Variants in SLC4A10 observed in about 807,000 individuals in gnomAD.
The protein encoded by SLC4A10 is solute carrier family 4 member 10.
A neutral mutation model predicts 137.7 loss-of-function variants in SLC4A10; 42 were observed. The observed-to-expected ratio is 0.30, with a 90% CI of 0.24 to 0.39. SLC4A10 has a LOEUF of 0.39. Ranked by LOEUF, SLC4A10 falls within the 10% of genes least tolerant of loss-of-function variation. The pLI is 1.00. For missense variants in SLC4A10, 925 were observed against 1,355.0 expected, an observed-to-expected ratio of 0.68 and a Z score of 4.98; for synonymous variants, 474 against 464.1, an observed-to-expected ratio of 1.02 and a Z score of -0.27.
At chr2:161,643,723 T>C (rs2035622040) in intron 1 of SLC4A10, among the ~76,000 whole-genome samples, 1 of 152,208 alleles carries the variant, frequency 6.6e-6, no homozygotes, top group Non-Finnish European at 1.5e-5. Flanking sequence ...TTCCATTATT[T>C]GTCCATTTTA....
In SLC4A10 at chr2:161,894,687, T is replaced by C. The variant is rs1270885901; in HGVS notation, c.1203T>C (p.His401=). ...TTCTATTTCTTCTAAAGGTATTTCA[T>C]GATGTTGCCTATAAAGCTAAAGATC... ...IATLMTDEVF[H]DVAYKAKDRN... is the part of the protein sequence containing the mutation. Residue 401 remains histidine (H), a synonymous_variant, in exon 11 of 27, where the codon CAT becomes CAC. Transcript: ENST00000446997. The C allele has an allele frequency of 3.6e-6, 5 of 1,399,616 alleles. No individual in the cohort carries two copies. Among genetic ancestry groups the C allele is most frequent in the Non-Finnish European group, 2.8e-6 (3 of 1,067,140 alleles). 86.7% of individuals were successfully genotyped at this position (1,399,616 alleles called of 1,614,324 possible).
At chr2:161,897,676 T>G (rs2063657780) in intron 11 of SLC4A10, among the ~76,000 whole-genome samples, 1 of 152,140 alleles carries the variant, frequency 6.6e-6, no homozygotes, top group African/African-American at 2.4e-5. Flanking sequence ...ATATTTCAGT[T>G]GATCTACTAT....
intron 2 of SLC4A10, among the ~76,000 whole-genome samples, chr2:161,771,520 C>G (rs1311119968): frequency 1.3e-5 from 2 of 151,672 alleles, no homozygotes; most frequent in East Asian, 1.9e-4. Context: ...GGTAGTATGG[C>G]CCGGTGGTTA....
chr2:161,915,334 C>T (rs1686891758), intron 15 of SLC4A10, among the ~76,000 whole-genome samples: 1 of 152,158 alleles, frequency 6.6e-6, no homozygotes, highest in Non-Finnish European at 1.5e-5. Flanking sequence ...TTCAATTTGT[C>T]CATGTGACCT....
At chr2:161,839,188 A>G (rs1575214671) in intron 3 of SLC4A10, among the ~76,000 whole-genome samples, 1 of 152,352 alleles carries the variant, frequency 6.6e-6, no homozygotes, top group Admixed American at 6.5e-5. Context: ...TCTCAAAGGC[A>G]TTTGCTAAGT....
chr2:161,963,990 C>A, intron 21 of SLC4A10, 145 bp from the exon 22 acceptor site: 1 of 600,746 alleles, frequency 1.7e-6, no homozygotes, highest in Non-Finnish European at 2.8e-6. Context: ...CATAACAATC[C>A]CATTGTCTTG....
At chr2:161,957,350 G>A in intron 20 of SLC4A10, 110 bp downstream of exon 20, 1 of 1,204,762 alleles carries the variant, frequency 8.3e-7, no homozygotes, top group Non-Finnish European at 1.1e-6. Flanking sequence ...GGCATGTGAT[G>A]AAAGTGATGA....
chr2:161,906,295 G>T lies in SLC4A10; in HGVS notation c.1997+408G>T, dbSNP rs188730500. Among the ~76,000 whole-genome samples the T allele has an allele frequency of 2.4e-3, 370 of 152,214 alleles. 3 individuals are homozygous for T. The highest frequency in any genetic ancestry group is 3.4e-3 in the Non-Finnish European group (230 of 68,006). On this transcript the variant is annotated intron_variant, in intron 15 of 26. Coordinates refer to ENST00000446997, the MANE Select transcript of SLC4A10 (RefSeq NM_001178015.2). ...AAGATTTCAAATTTAGAGCAATAAG[G>T]TAAAATAAACTTATTGGGTCTAAAT...
chr2:161,868,740 G>T (rs1283741302), intron 6 of SLC4A10, among the ~76,000 whole-genome samples: 1 of 151,504 alleles, frequency 6.6e-6, no homozygotes, highest in South Asian at 2.1e-4. Context: ...GAGATATTAG[G>T]TTTCTCAAAT....
At chr2:161,811,955 C>G (rs1168678493) in intron 3 of SLC4A10, among the ~76,000 whole-genome samples, 1 of 152,054 alleles carries the variant, frequency 6.6e-6, no homozygotes, top group Non-Finnish European at 1.5e-5. Flanking sequence ...CTCCTGCAAA[C>G]CCACCTTTAG....
chr2:161,788,770 T>C (rs2053901683), intron 2 of SLC4A10, among the ~76,000 whole-genome samples: 1 of 152,134 alleles, frequency 6.6e-6, no homozygotes, highest in Admixed American at 6.5e-5. Context: ...CCATTCTGTG[T>C]TGGGATGGGG....
chr2:161,910,782 A>G (rs72865262), intron 15 of SLC4A10, among the ~76,000 whole-genome samples: 10,181 of 151,986 alleles, frequency 0.067, 443 homozygotes, highest in East Asian at 0.13. Flanking sequence ...CATAACCCAA[A>G]GTAGTGATCT....
chr2:161,800,265 T>C (rs1017156905), intron 2 of SLC4A10, among the ~76,000 whole-genome samples: 7 of 152,112 alleles, frequency 4.6e-5, no homozygotes, highest in African/African-American at 1.7e-4. Context: ...TGCTAAAAAA[T>C]TGTGGCTATT....
chr2:161,712,253 C>T lies in SLC4A10; in HGVS notation c.49-58720C>T, dbSNP rs534438510. 2.6e-5 allele frequency among the ~76,000 whole-genome samples: 4 copies of T among 151,928 alleles called. No individual in the cohort carries two copies. The East Asian group carries it at 7.7e-4, about 29-fold the overall frequency. On this transcript the variant is annotated intron_variant, in intron 1 of 26. Coordinates refer to ENST00000446997, the MANE Select transcript of SLC4A10 (RefSeq NM_001178015.2). Reference sequence around the variant, plus strand: ...GGCTGATCCAAACTCTCTTAGAATTCTATGTGTGCAGATTCTTTGCTTCTC... The same window carrying T: ...GGCTGATCCAAACTCTCTTAGAATTTTATGTGTGCAGATTCTTTGCTTCTC...
At chr2:161,871,474 C>A (rs1165105717) in intron 6 of SLC4A10, among the ~76,000 whole-genome samples, 1 of 151,936 alleles carries the variant, frequency 6.6e-6, no homozygotes, top group Admixed American at 6.6e-5. Context: ...TGACTTACTG[C>A]AAACAATGTT....
intron 3 of SLC4A10, among the ~76,000 whole-genome samples, chr2:161,837,712 C>A (rs1370365757): frequency 6.6e-6 from 1 of 152,036 alleles, no homozygotes; most frequent in Non-Finnish European, 1.5e-5. Context: ...CTATAGTAAT[C>A]AAAAAAGTGT....
At chr2:161,886,940 T>G (rs2062370427) in intron 10 of SLC4A10, among the ~76,000 whole-genome samples, 1 of 152,026 alleles carries the variant, frequency 6.6e-6, no homozygotes. Flanking sequence ...ATCTCTCCCC[T>G]AGTCCCCCAC....
At chr2:161,822,532 A>C (rs529191870) in intron 3 of SLC4A10, among the ~76,000 whole-genome samples, 1 of 152,184 alleles carries the variant, frequency 6.6e-6, no homozygotes, top group Non-Finnish European at 1.5e-5. Context: ...TATTTTTTCT[A>C]GACCAACTAG....
At chr2:161,693,146 C>A (rs2042166146) in intron 1 of SLC4A10, among the ~76,000 whole-genome samples, 1 of 151,864 alleles carries the variant, frequency 6.6e-6, no homozygotes, top group South Asian at 2.1e-4. Flanking sequence ...CTTAGATGGC[C>A]CCTAAATTAC....
Sources: allele counts gnomAD v4.1 joint callset (sites outside exome capture counted in the v4.1 genomes callset), GRCh38; gene constraint gnomAD v4.1.1; transcripts MANE v1.5; gene names NCBI Gene and HGNC (gene_info 2026-07-23, HGNC 2026-07-21).